The following FBXL13 variants were observed in gnomAD, a reference collection of about 807,000 sequenced individuals.
The protein encoded by FBXL13 is F-box and leucine-rich repeat protein 13.
FBXL13 carries 67 observed loss-of-function variants against 83.6 expected under a neutral mutation model. The ratio of observed to expected loss-of-function variants is 0.80; its 90% confidence interval spans 0.66 to 0.98. The LOEUF is 0.98. FBXL13 is among the 50% of genes least tolerant of loss of function. The probability of loss-of-function intolerance (pLI) is 0.00; values close to 1 mark genes in which losing one functional copy is unlikely to be tolerated. For synonymous variants in FBXL13, 272 were observed against 299.5 expected, an observed-to-expected ratio of 0.91 and a Z score of 0.95; for missense variants, 822 against 866.5, an observed-to-expected ratio of 0.95 and a Z score of 0.64.
At chr7:102,943,420 AG>A (rs1487368176) in intron 8 of FBXL13, among the ~76,000 whole-genome samples, 1 of 152,194 alleles carries the variant, frequency 6.6e-6, no homozygotes, top group East Asian at 1.9e-4. Flanking sequence ...TCAAGGGAAA[AG>A]CTTTGAGTAA....
At chr7:102,964,786 G>T (rs1351914371) in intron 7 of FBXL13, among the ~76,000 whole-genome samples, 1 of 152,094 alleles carries the variant, frequency 6.6e-6, no homozygotes, top group African/African-American at 2.4e-5. Context: ...AATCATACAT[G>T]TATACAATGC....
At chr7:102,812,086 A>C (rs1797465006), downstream of FBXL13, among the ~76,000 whole-genome samples, 1 of 152,226 alleles carries the variant, frequency 6.6e-6, no homozygotes, top group Non-Finnish European at 1.5e-5. Flanking sequence ...TAAGTAATTG[A>C]GGAAATAGAA....
At chr7:102,860,685 G>A (rs536181737) in intron 16 of FBXL13, among the ~76,000 whole-genome samples, 2 of 152,176 alleles carry the variant, frequency 1.3e-5, no homozygotes, top group Admixed American at 1.3e-4. Flanking sequence ...TGCTCTGTGT[G>A]TGTGTGTGTG....
intron 14 of FBXL13, 32 bp from the exon 16 acceptor site, chr7:102,878,482 AT>A: frequency 6.8e-7 from 1 of 1,479,484 alleles, no homozygotes; most frequent in South Asian, 1.3e-5. Flanking sequence ...TTTACATGTG[AT>A]TCTATATATA....
chr7:102,822,758 G>C (rs1245249372), intron 18 of FBXL13, among the ~76,000 whole-genome samples: 1 of 152,190 alleles, frequency 6.6e-6, no homozygotes, highest in African/African-American at 2.4e-5. Flanking sequence ...TAAAATATCT[G>C]CCTCAAGTAG....
chr7:103,018,913 T>TCAA (rs377082289), intron 6 of FBXL13, among the ~76,000 whole-genome samples: 16,301 of 151,230 alleles, frequency 0.11, 1,013 homozygotes, highest in East Asian at 0.3. Flanking sequence ...ATTAGACAGA[T>TCAA]CGAGACAGAA....
chr7:103,067,960 TGAA>T (rs1798554513), intron 1 of FBXL13, among the ~76,000 whole-genome samples: 1 of 152,198 alleles, frequency 6.6e-6, no homozygotes, highest in Non-Finnish European at 1.5e-5. Context: ...TTGAGTCAGT[TGAA>T]GAAGTGCTAG....
chr7:103,049,000 A>G (rs1269198761), intron 2 of FBXL13, among the ~76,000 whole-genome samples: 1 of 152,204 alleles, frequency 6.6e-6, no homozygotes, highest in Non-Finnish European at 1.5e-5. Flanking sequence ...CTTTTGGTGC[A>G]TAAATTTTCT....
chr7:103,015,622 C>T (rs550133999), intron 6 of FBXL13, among the ~76,000 whole-genome samples: 1 of 152,090 alleles, frequency 6.6e-6, no homozygotes, highest in Admixed American at 6.5e-5. Context: ...TATAGCTAAA[C>T]CCCGTCTCTA....
At position 102,949,392 on chromosome 7, in the gene FBXL13, T is replaced by A. The variant is rs550517548; in HGVS notation, c.724+14141A>T. Among the ~76,000 whole-genome samples, 4 of 152,266 alleles carry A rather than the reference T, an allele frequency of 2.6e-5. No homozygotes were observed. The South Asian group carries it at 8.3e-4, about 32-fold the overall frequency. The stretch of plus-strand genomic sequence containing the variant: ...ACCCAGGTATTAAGCCTAGTACATG[T>A]TAGTTATTTTTGCTGATCCTCTCCA... On this transcript the variant is annotated intron_variant, in intron 8 of 19. Coordinates refer to ENST00000313221, the Ensembl canonical transcript of FBXL13.
intron 2 of FBXL13, among the ~76,000 whole-genome samples, chr7:103,040,978 T>C (rs897022594): frequency 2.0e-5 from 3 of 151,812 alleles, no homozygotes; most frequent in African/African-American, 7.3e-5. Flanking sequence ...TAACTAAGAT[T>C]AGAGCAGAAC....
intron 6 of FBXL13, among the ~76,000 whole-genome samples, chr7:103,005,201 T>A (rs1405671667): frequency 6.6e-6 from 1 of 152,174 alleles, no homozygotes; most frequent in Non-Finnish European, 1.5e-5. Context: ...AATAAAAGCA[T>A]CTGATGTAAA....
chr7:103,005,034 G>C (rs977168189), intron 6 of FBXL13, among the ~76,000 whole-genome samples: 1 of 152,176 alleles, frequency 6.6e-6, no homozygotes, highest in African/African-American at 2.4e-5. Flanking sequence ...GTCAACAACT[G>C]AGTACCTTGG....
chr7:102,989,177 T>C (rs368152335), intron 6 of FBXL13, among the ~76,000 whole-genome samples: 1 of 152,136 alleles, frequency 6.6e-6, no homozygotes, highest in East Asian at 1.9e-4. Flanking sequence ...CACTAGAAAA[T>C]AAAATGAAAG....
intron 15 of FBXL13, 53 bp from the exon 17 acceptor site, chr7:102,877,646 G>C: frequency 1.9e-6 from 3 of 1,545,612 alleles, no homozygotes; most frequent in Non-Finnish European, 2.6e-6. Context: ...TTGTCAGTAA[G>C]CAATTTCTTC....
At chr7:102,973,799 A>G (rs780904111) in intron 6 of FBXL13, 11 of 743,694 alleles carry the variant, frequency 1.5e-5, no homozygotes, top group Non-Finnish European at 2.7e-5. Context: ...CCGGTTAACA[A>G]GGAAAAATCC....
Position 103,025,049 on chromosome 7 carries a change from G to T in FBXL13, c.495+14C>A. 6.3e-7 allele frequency: 1 copy of T among 1,595,812 alleles called. No individual in the cohort carries two copies. Among genetic ancestry groups the T allele is most frequent in the Non-Finnish European group, 8.6e-7 (1 of 1,169,164 alleles). ...CAGATTATAGTATATAATGTATACTGAATTCATACAAACCTGTAATATTGC... is the reference window on the plus strand; with the variant it reads ...CAGATTATAGTATATAATGTATACTTAATTCATACAAACCTGTAATATTGC... On this transcript the variant is annotated intron_variant, in intron 6 of 19. Transcript: ENST00000313221.
chr7:102,834,107 AAAG>A (rs1330332145), intron 17 of FBXL13, among the ~76,000 whole-genome samples: 2,008 of 115,142 alleles, frequency 0.017, 108 homozygotes, highest in East Asian at 0.077. Context: ...AGAAAGAAAG[AAAG>A]AAAGAAAGAA....
intron 6 of FBXL13, among the ~76,000 whole-genome samples, chr7:102,996,606 C>T (rs1489645617): frequency 6.6e-6 from 1 of 152,206 alleles, no homozygotes; most frequent in African/African-American, 2.4e-5. Context: ...AGCAGTTTAA[C>T]AAGGCCTTGT....
Sources: allele counts gnomAD v4.1 joint callset (sites outside exome capture counted in the v4.1 genomes callset), GRCh38; gene constraint gnomAD v4.1.1; transcripts MANE v1.5; gene names NCBI Gene and HGNC (gene_info 2026-07-23, HGNC 2026-07-21).